NCKAP5: variants seen among roughly 807,000 people sequenced by gnomAD.
NCKAP5 encodes NCK associated protein 5.
NCKAP5 carries 92 observed loss-of-function variants against 167.0 expected under a neutral mutation model. The observed-to-expected ratio is 0.55, with a 90% CI of 0.47 to 0.66. The LOEUF (loss-of-function observed/expected upper bound fraction) is 0.66. NCKAP5 is among the 30% of genes least tolerant of loss of function. The pLI is 0.00. For synonymous variants in NCKAP5, 891 were observed against 877.4 expected (o/e 1.02, Z -0.27); for missense variants, 2,378 against 2,315.0 (o/e 1.03, Z -0.56).
Position 132,770,115 on chromosome 2 carries a change from C to T in NCKAP5, c.5128+3701G>A, listed in dbSNP as rs556156322. On this transcript the variant is annotated intron_variant, in intron 16 of 19. Coordinates refer to ENST00000409261, the MANE Select transcript of NCKAP5 (RefSeq NM_207363.3). ...CTTGATCCTGTCCTTTCTTCTCCAACCCAAATTTGCTCAAACCAGTATTGA... is the reference window on the plus strand; with the variant it reads ...CTTGATCCTGTCCTTTCTTCTCCAATCCAAATTTGCTCAAACCAGTATTGA... Among the ~76,000 whole-genome samples, 3 of 152,222 alleles carry T rather than the reference C, an allele frequency of 2.0e-5. No homozygotes were observed. The South Asian group carries it at 6.2e-4, about 32-fold the overall frequency.
At chr2:132,680,859 CTGA>C (rs1443315369) in intron 19 of NCKAP5, among the ~76,000 whole-genome samples, 10 of 152,168 alleles carry the variant, frequency 6.6e-5, no homozygotes, top group Admixed American at 1.3e-4. Flanking sequence ...TCTGCAAACT[CTGA>C]TGTTAGCGTC....
chr2:133,391,985 T>C lies in NCKAP5; in HGVS notation c.70-88875A>G, dbSNP rs1471248033. On this transcript the variant is annotated intron_variant, in intron 3 of 19. Transcript: ENST00000409261. ...TCCCTTTGCCAGTTAGGCTTTCTTA[T>C]GCCCACCCCCATGGTTTTTATCATG... 2.0e-5 allele frequency among the ~76,000 whole-genome samples: 3 copies of C among 152,208 alleles called. No individual in the cohort carries two copies. The East Asian group carries it at 5.8e-4, about 29-fold the overall frequency.
intron 5 of NCKAP5, among the ~76,000 whole-genome samples, chr2:133,159,232 G>A (rs1247797723): frequency 6.6e-6 from 1 of 152,124 alleles, no homozygotes; most frequent in Non-Finnish European, 1.5e-5. Flanking sequence ...GAGGCCTTTA[G>A]GAGCTGAGGT....
chr2:133,548,353 G>A (rs935402673), intron 2 of NCKAP5, among the ~76,000 whole-genome samples: 7 of 152,152 alleles, frequency 4.6e-5, no homozygotes, highest in Non-Finnish European at 7.4e-5. Flanking sequence ...GCAGGCCAAT[G>A]TTCAGATTCA....
chr2:132,789,686 GC>G (rs1411453313), intron 13 of NCKAP5, among the ~76,000 whole-genome samples: 1 of 152,134 alleles, frequency 6.6e-6, no homozygotes, highest in Non-Finnish European at 1.5e-5. Flanking sequence ...GGTATCTCCA[GC>G]TTTGCGAGTC....
At chr2:133,197,888 T>C (rs188377881) in intron 5 of NCKAP5, among the ~76,000 whole-genome samples, 410 of 152,174 alleles carry the variant, frequency 2.7e-3, no homozygotes, top group Middle Eastern at 0.017. Flanking sequence ...AGGCGGAGAT[T>C]GCAGTGAGCC....
chr2:132,904,900 TTC>T (rs1400305444), intron 8 of NCKAP5, among the ~76,000 whole-genome samples: 1 of 152,226 alleles, frequency 6.6e-6, no homozygotes, highest in South Asian at 2.1e-4. Flanking sequence ...TTCTGATGTT[TTC>T]TGTTTGTCCT....
chr2:133,585,410 G>A, the NCKAP5 span, among the ~76,000 whole-genome samples: 2 of 152,208 alleles, frequency 1.3e-5, no homozygotes, highest in Non-Finnish European at 2.9e-5. Flanking sequence ...GGCCATGTTT[G>A]TCCAAATCAA....
At chr2:133,531,627 T>C (rs1307200700) in intron 2 of NCKAP5, among the ~76,000 whole-genome samples, 1 of 152,228 alleles carries the variant, frequency 6.6e-6, no homozygotes, top group Non-Finnish European at 1.5e-5. Flanking sequence ...AGCAAGTTTT[T>C]AGCAGAAACT....
At chr2:133,470,048 T>C (rs896252335) in intron 3 of NCKAP5, among the ~76,000 whole-genome samples, 1 of 152,158 alleles carries the variant, frequency 6.6e-6, no homozygotes, top group African/African-American at 2.4e-5. Context: ...GTTCCATTGC[T>C]GGTGAGGAAC....
the NCKAP5 span, among the ~76,000 whole-genome samples, chr2:133,630,779 G>A: frequency 6.6e-6 from 1 of 152,084 alleles, no homozygotes. Flanking sequence ...AGATCATCCG[G>A]CCTTAGCAGA....
At chr2:133,421,539 G>T (rs1209621193) in intron 3 of NCKAP5, among the ~76,000 whole-genome samples, 2 of 152,150 alleles carry the variant, frequency 1.3e-5, no homozygotes, top group Non-Finnish European at 2.9e-5. Flanking sequence ...CCTTAAATGA[G>T]GATCAGTCTG....
chr2:133,413,046 A>G (rs372358290), intron 3 of NCKAP5, among the ~76,000 whole-genome samples: 1 of 152,222 alleles, frequency 6.6e-6, no homozygotes, highest in African/African-American at 2.4e-5. Flanking sequence ...CAAAGCCTGC[A>G]GGTCTGGCCT....
intron 4 of NCKAP5, among the ~76,000 whole-genome samples, chr2:133,216,038 A>C (rs1008561329): frequency 6.6e-6 from 1 of 152,156 alleles, no homozygotes; most frequent in Non-Finnish European, 1.5e-5. Flanking sequence ...AACATTTAGC[A>C]AAAGATTTGC....
At chr2:133,569,629 G>T (rs1251030101), upstream of NCKAP5, among the ~76,000 whole-genome samples, 1 of 152,176 alleles carries the variant, frequency 6.6e-6, no homozygotes, top group Middle Eastern at 3.2e-3. Context: ...AGCTGATTCT[G>T]TGGCATGGAG....
At chr2:133,467,329 T>C (rs1692678651) in intron 3 of NCKAP5, among the ~76,000 whole-genome samples, 1 of 152,178 alleles carries the variant, frequency 6.6e-6, no homozygotes, top group Non-Finnish European at 1.5e-5. Context: ...TTTGCATATA[T>C]TGAACCAGAC....
chr2:133,089,948 T>A (rs191891206), intron 6 of NCKAP5, among the ~76,000 whole-genome samples: 1 of 152,214 alleles, frequency 6.6e-6, no homozygotes, highest in Non-Finnish European at 1.5e-5. Flanking sequence ...TTCAGTCTTT[T>A]CTTTCTCCCC....
At chr2:133,226,132 G>A (rs967137801) in intron 4 of NCKAP5, among the ~76,000 whole-genome samples, 4 of 151,992 alleles carry the variant, frequency 2.6e-5, no homozygotes, top group East Asian at 3.9e-4. Context: ...TTAGAGACAC[G>A]GACTTGCTCT....
intron 19 of NCKAP5, among the ~76,000 whole-genome samples, chr2:132,679,348 T>C (rs545624694): frequency 2.3e-4 from 35 of 152,160 alleles, no homozygotes; most frequent in Middle Eastern, 3.4e-3. Flanking sequence ...GGCAAGTCAG[T>C]CCCTCATTCC....
Sources: allele counts gnomAD v4.1 joint callset (sites outside exome capture counted in the v4.1 genomes callset), GRCh38; gene constraint gnomAD v4.1.1; transcripts MANE v1.5; gene names NCBI Gene and HGNC (gene_info 2026-07-23, HGNC 2026-07-21).